The following SSB variants were observed in gnomAD, a reference collection of about 807,000 sequenced individuals.
SSB encodes the protein small RNA binding exonuclease protection factor La, also known as lupus La protein.
Under a neutral mutation model 52.9 loss-of-function variants are expected in SSB, and 17 were observed. That is an observed-to-expected ratio of 0.32 (90% CI 0.22 to 0.48). SSB has a LOEUF of 0.48. Among genes scored for constraint, SSB ranks in the 20% least tolerant of loss-of-function variants. The probability of loss-of-function intolerance (pLI) is 0.99; values close to 1 mark genes in which losing one functional copy is unlikely to be tolerated. For synonymous variants in SSB, 111 were observed against 152.1 expected, an observed-to-expected ratio of 0.73 and a Z score of 1.99; for missense variants, 314 against 463.6, an observed-to-expected ratio of 0.68 and a Z score of 2.96.
At position 169,808,539 on chromosome 2, in the gene SSB, A is replaced by G; in HGVS notation, c.612A>G (p.Lys204=). The change falls in exon 7 of 12, where the codon AAA becomes AAG. Residue 204 remains lysine (K), a synonymous_variant. Coordinates refer to ENST00000260956, the MANE Select transcript of SSB (RefSeq NM_003142.5). ...GAAAACAAAATAAAGTGGAAGCTAAATTAAGAGCTAAACAGTAAGTATGTT... is the reference window on the plus strand; with the variant it reads ...GAAAACAAAATAAAGTGGAAGCTAAGTTAAGAGCTAAACAGTAAGTATGTT... The part of the protein sequence containing the change: ...EERKQNKVEA[K]LRAKQEQEAK... 1 of 1,612,140 alleles carries G rather than the reference A, an allele frequency of 6.2e-7. No individual in the cohort carries two copies. Among genetic ancestry groups the G allele is most frequent in the Non-Finnish European group, 8.5e-7 (1 of 1,178,376 alleles).
rs1442496649 is a variant in SSB, at chr2:169,798,924, C to G, written c.-62C>G. 1.3e-5 allele frequency: 2 copies of G among 150,144 alleles called. No homozygotes were observed. Among genetic ancestry groups the G allele is most frequent in the East Asian group, 2.1e-4 (1 of 4,690 alleles). 9.3% of individuals were successfully genotyped at this position (150,144 alleles called of 1,614,324 possible). A position where few individuals can be genotyped will look rare whatever the true frequency, so the allele number is the denominator to read the frequency against. On this transcript the variant is annotated 5_prime_UTR_variant, in exon 1 of 12. Transcript: ENST00000260956. Reference sequence around the variant, plus strand: ...GCGGCGCTGGGAGGTGGAGTCGTTGCTGTTGCTGTTTGTGAGCCTGTGGCG... The same window carrying G: ...GCGGCGCTGGGAGGTGGAGTCGTTGGTGTTGCTGTTTGTGAGCCTGTGGCG...
chr2:169,800,914 TA>T, intron 1 of SSB, 37 bp from the exon 2 acceptor site: 6 of 1,467,470 alleles, frequency 4.1e-6, no homozygotes, highest in Admixed American at 2.2e-5. Context: ...GAGTTTTATA[TA>T]AAAAATAACT....
In SSB at chr2:169,811,912, A is replaced by T; in HGVS notation, c.*156A>T. 6.4e-7 allele frequency: 1 copy of T among 1,570,102 alleles called. No homozygotes were observed. Among genetic ancestry groups the T allele is most frequent in the Non-Finnish European group, 8.7e-7 (1 of 1,145,200 alleles). On this transcript the variant is annotated 3_prime_UTR_variant, in exon 12 of 12. Transcript: ENST00000260956. ...TTTAACTTGTCTTTTTGTTATGCAAATGAGATTTCTTTGAATGTATTGTTC... is the reference window on the plus strand; with the variant it reads ...TTTAACTTGTCTTTTTGTTATGCAATTGAGATTTCTTTGAATGTATTGTTC...
intron 2 of SSB, among the ~76,000 whole-genome samples, chr2:169,805,244 CTTCT>C (rs1689805819): frequency 6.6e-6 from 1 of 152,212 alleles, no homozygotes; most frequent in Admixed American, 6.5e-5. Context: ...TAAATATATT[CTTCT>C]TTAAGGTTTT....
At chr2:169,803,086 C>T (rs1480498809) in intron 2 of SSB, among the ~76,000 whole-genome samples, 1 of 152,326 alleles carries the variant, frequency 6.6e-6, no homozygotes, top group East Asian at 1.9e-4. Context: ...CAGTTTACAT[C>T]TACCTGAATG....
At chr2:169,799,986 G>A (rs1453560944) in intron 1 of SSB, among the ~76,000 whole-genome samples, 2 of 152,174 alleles carry the variant, frequency 1.3e-5, no homozygotes. Flanking sequence ...CAAACTAATA[G>A]CACAGCTTCC....
At chr2:169,802,959 A>G (rs1420796525) in intron 2 of SSB, among the ~76,000 whole-genome samples, 1 of 152,186 alleles carries the variant, frequency 6.6e-6, no homozygotes, top group African/African-American at 2.4e-5. Flanking sequence ...ATTCTTTGAC[A>G]AATATTCTTA....
At chr2:169,805,956 T>A in intron 4 of SSB, 117 bp downstream of exon 4, 1 of 1,045,882 alleles carries the variant, frequency 9.6e-7, no homozygotes, top group South Asian at 1.5e-5. Flanking sequence ...TTCGTAATAT[T>A]CTTAACCTAA....
intron 7 of SSB, 133 bp from the exon 8 acceptor site, chr2:169,808,727 G>C: frequency 9.9e-7 from 1 of 1,005,476 alleles, no homozygotes; most frequent in East Asian, 2.6e-5. Context: ...TCTAGCATTG[G>C]ACGATCAAAA....
chr2:169,806,656 A>T, intron 4 of SSB, 129 bp from the exon 5 acceptor site: 2 of 704,844 alleles, frequency 2.8e-6, no homozygotes, highest in South Asian at 4.1e-5. Flanking sequence ...TAAGTGATTA[A>T]CAAAGAGAAA....
chr2:169,807,434 G>A (rs573846518), intron 6 of SSB, among the ~76,000 whole-genome samples: 2 of 151,974 alleles, frequency 1.3e-5, no homozygotes, highest in South Asian at 4.1e-4. Flanking sequence ...GACTACAGGC[G>A]CGTGCCACCT....
chr2:169,806,884 G>C lies in SSB; in HGVS notation c.445G>C (p.Ala149Pro). ...TCAGATGAGAAGAACATTGCATAAA[G>C]CATTTAAGGTATGATAATACAGACT... ...NIQMRRTLHK[A>P]FKGSIFVVFD... The change falls in exon 5 of 12, where the codon GCA (alanine) becomes CCA (proline). Residue 149 changes from alanine (A) to proline (P), a missense_variant. Transcript: ENST00000260956. 6.2e-7 allele frequency: 1 copy of C among 1,611,804 alleles called. No homozygotes were observed.
intron 6 of SSB, among the ~76,000 whole-genome samples, chr2:169,808,078 C>T (rs754163901): frequency 1.2e-4 from 19 of 152,038 alleles, no homozygotes; most frequent in Non-Finnish European, 2.5e-4. Flanking sequence ...TAGAAAACTG[C>T]AATATTATTT....
chr2:169,801,541 G>T (rs1420661899), intron 2 of SSB, among the ~76,000 whole-genome samples: 2 of 108,962 alleles, frequency 1.8e-5, no homozygotes, highest in Non-Finnish European at 3.4e-5. Context: ...TTGAGATGGA[G>T]TCTCACTCTG....
intron 11 of SSB, 78 bp downstream of exon 11, chr2:169,811,401 T>G: frequency 1.0e-5 from 15 of 1,455,884 alleles, no homozygotes; most frequent in Non-Finnish European, 1.4e-5. Flanking sequence ...CCAGAGAGAA[T>G]AGGGATTTGG....
rs562259573 is a variant in SSB, at chr2:169,809,092, T to C, written c.669+190T>C. ...AGGATAGGAAATATGTTCTAAAATA[T>C]GGAAAAGGCCGGGTGCAGTGGCCCA... On this transcript the variant is annotated intron_variant, in intron 8 of 11. Transcript: ENST00000260956. 9.7e-6 allele frequency: 6 copies of C among 615,422 alleles called. No individual in the cohort carries two copies. The South Asian group carries it at 9.8e-5, about 10-fold the overall frequency. The allele number at this position is 615,422 out of a possible 1,614,324, so 38.1% of individuals were successfully genotyped here.
Position 169,810,101 on chromosome 2 carries a change from T to TTTA in SSB, c.670-167_670-165dup, listed in dbSNP as rs1036749587. ...CAACACTATGAAACTACTTTATTTA[T>TTTA]TTATTATTATTATTATTTTTTGAGA... On this transcript the variant is annotated intron_variant, in intron 8 of 11. Transcript: ENST00000260956. 37 of 350,354 alleles carry TTTA rather than the reference T, an allele frequency of 1.1e-4. 1 individual carries two copies. Among genetic ancestry groups the TTTA allele is most frequent in the African/African-American group, 5.1e-4 (24 of 47,158 alleles). 21.7% of individuals were successfully genotyped at this position (350,354 alleles called of 1,614,324 possible).
At position 169,801,015 on chromosome 2, in the gene SSB, C is replaced by T. The variant is rs1352326179; in HGVS notation, c.55C>T (p.His19Tyr). 3 of 1,600,100 alleles carry T rather than the reference C, an allele frequency of 1.9e-6. No individual in the cohort carries two copies. The highest frequency in any genetic ancestry group is 2.7e-5 in the African/African-American group (2 of 73,964). Residue 19 changes from histidine to tyrosine, a missense_variant, in exon 2 of 12, where the codon CAT becomes TAT. Physicochemically the swap from His to Tyr is moderately conservative, Grantham distance 83. Coordinates refer to ENST00000260956, the MANE Select transcript of SSB (RefSeq NM_003142.5). ...KMAALEAKICHQIEYYFGDFN... is the reference protein window; with the variant it reads ...KMAALEAKICYQIEYYFGDFN... ...GGCTGCCCTGGAGGCCAAAATCTGTCATCAAATTGAGGTATGATTCCTGTG... is the reference window on the plus strand; with the variant it reads ...GGCTGCCCTGGAGGCCAAAATCTGTTATCAAATTGAGGTATGATTCCTGTG...
chr2:169,808,353 A>T, intron 6 of SSB, 129 bp from the exon 7 acceptor site: 1 of 638,254 alleles, frequency 1.6e-6, no homozygotes, highest in Non-Finnish European at 2.6e-6. Context: ...TTGAATTTTT[A>T]GTTGATGATT....
Sources: gnomAD v4.1 joint callset for allele counts (sites outside exome capture counted in the v4.1 genomes callset) on GRCh38, gnomAD v4.1.1 for gene constraint, MANE v1.5 for transcripts, NCBI Gene and HGNC (gene_info 2026-07-23, HGNC 2026-07-21) for gene names.